SGCD: variants seen among roughly 807,000 people sequenced by gnomAD.
SGCD encodes delta-sarcoglycan.
SGCD carries 18 observed loss-of-function variants against 36.6 expected under a neutral mutation model. The observed-to-expected ratio is 0.49, with a 90% CI of 0.34 to 0.73. SGCD has a LOEUF of 0.73. Ranked by LOEUF, SGCD falls within the 30% of genes least tolerant of loss-of-function variation. The probability of loss-of-function intolerance (pLI) is 0.01; values close to 1 mark genes in which losing one functional copy is unlikely to be tolerated. For missense variants in SGCD, 387 were observed against 346.7 expected, an observed-to-expected ratio of 1.12 and a Z score of -0.92; for synonymous variants, 133 against 130.6, an observed-to-expected ratio of 1.02 and a Z score of -0.12.
At chr5:156,109,674 C>T (rs1761737282) in intron 1 of SGCD, among the ~76,000 whole-genome samples, 1 of 152,114 alleles carries the variant, frequency 6.6e-6, no homozygotes, top group African/African-American at 2.4e-5. Flanking sequence ...TCTCTCTTCC[C>T]CTCTTATGCT....
chr5:156,499,252 T>A (rs927994564), intron 3 of SGCD, among the ~76,000 whole-genome samples: 2 of 152,190 alleles, frequency 1.3e-5, no homozygotes, highest in Non-Finnish European at 2.9e-5. Context: ...CTAACGCGTA[T>A]GGAAATGGTA....
intron 4 of SGCD, among the ~76,000 whole-genome samples, chr5:156,573,902 G>C (rs576307214): frequency 6.6e-6 from 1 of 151,698 alleles, no homozygotes; most frequent in Non-Finnish European, 1.5e-5. Context: ...TATGTTGCCC[G>C]GGCTGGTCTC....
intron 3 of SGCD, among the ~76,000 whole-genome samples, chr5:156,259,625 G>C (rs1246890021): frequency 1.3e-5 from 2 of 152,114 alleles, no homozygotes; most frequent in Admixed American, 1.3e-4. Flanking sequence ...GTAAGAAAGG[G>C]ATCTAGGTTT....
At chr5:156,607,316 G>C (rs1761516559) in intron 6 of SGCD, among the ~76,000 whole-genome samples, 1 of 152,172 alleles carries the variant, frequency 6.6e-6, no homozygotes. Flanking sequence ...TGTGGTTTTT[G>C]TCATTGGTTG....
At chr5:156,201,248 A>C (rs927693841) in intron 3 of SGCD, among the ~76,000 whole-genome samples, 3 of 152,202 alleles carry the variant, frequency 2.0e-5, no homozygotes, top group African/African-American at 7.2e-5. Context: ...TTAACACAAT[A>C]AAAAAGTAAA....
At chr5:155,842,813 T>A in the SGCD span, among the ~76,000 whole-genome samples, 195 of 152,116 alleles carry the variant, frequency 1.3e-3, no homozygotes, top group Non-Finnish European at 2.3e-3. Context: ...CTGAAAATTT[T>A]AAAAAAAGAA....
intron 3 of SGCD, among the ~76,000 whole-genome samples, chr5:156,369,484 A>G: frequency 6.6e-6 from 1 of 152,192 alleles, no homozygotes; most frequent in Non-Finnish European, 1.5e-5. Flanking sequence ...GCAGAAGTGT[A>G]TTATTAGACC....
chr5:156,346,598 C>T (rs536620615), intron 3 of SGCD, among the ~76,000 whole-genome samples: 4 of 152,186 alleles, frequency 2.6e-5, no homozygotes, highest in East Asian at 1.9e-4. Context: ...TCACATCCAG[C>T]TAAGAGTTCA....
chr5:156,304,345 C>T (rs1225065957), intron 3 of SGCD, among the ~76,000 whole-genome samples: 1 of 152,096 alleles, frequency 6.6e-6, no homozygotes, highest in Non-Finnish European at 1.5e-5. Flanking sequence ...AGGTCTTTCC[C>T]ATGGTGTTCT....
At chr5:155,756,753 T>TA in the SGCD span, among the ~76,000 whole-genome samples, 1 of 152,348 alleles carries the variant, frequency 6.6e-6, no homozygotes, top group Non-Finnish European at 1.5e-5. Flanking sequence ...TCATGAATAT[T>TA]AAACACTTCC....
chr5:156,180,538 A>G (rs1198064786), intron 3 of SGCD, among the ~76,000 whole-genome samples: 2 of 152,230 alleles, frequency 1.3e-5, no homozygotes, highest in Non-Finnish European at 2.9e-5. Flanking sequence ...TATTAAGAAA[A>G]TGAAAATTTA....
At chr5:156,683,585 A>G (rs889964434) in intron 7 of SGCD, among the ~76,000 whole-genome samples, 5 of 152,216 alleles carry the variant, frequency 3.3e-5, no homozygotes, top group Non-Finnish European at 5.9e-5. Context: ...TCTTTATCAG[A>G]CAAAAACAAA....
chr5:156,077,858 A>G (rs1230334525), intron 1 of SGCD, among the ~76,000 whole-genome samples: 1 of 152,144 alleles, frequency 6.6e-6, no homozygotes, highest in African/African-American at 2.4e-5. Flanking sequence ...GGTTGGAAAC[A>G]AGGGAGAAGC....
the SGCD span, among the ~76,000 whole-genome samples, chr5:155,730,065 CAT>C: frequency 6.6e-6 from 1 of 152,122 alleles, no homozygotes; most frequent in African/African-American, 2.4e-5. Context: ...CAGGTATGGG[CAT>C]ACACGTGTTG....
In SGCD at chr5:156,149,795, G is replaced by A. The variant is rs557520809; in HGVS notation, c.-44+25776G>A. On this transcript the variant is annotated intron_variant, in intron 3 of 9. Coordinates refer to the SGCD transcript ENST00000517913. The stretch of plus-strand genomic sequence containing the variant: ...GTGTATTTAAGTGAGCCTATGGTTT[G>A]CAAGGCTATCATTTGTGAGATGCTG... Among the ~76,000 whole-genome samples, 6 of 152,282 alleles carry A rather than the reference G, an allele frequency of 3.9e-5. No homozygotes were observed. In the East Asian group the frequency reaches 1.2e-3, roughly 29 times the overall value.
At chr5:156,670,114 A>G (rs1406962318) in intron 7 of SGCD, among the ~76,000 whole-genome samples, 3 of 152,300 alleles carry the variant, frequency 2.0e-5, no homozygotes, top group South Asian at 2.1e-4. Flanking sequence ...TTAAAATTAT[A>G]TCATCTAGAT....
intron 3 of SGCD, among the ~76,000 whole-genome samples, chr5:156,347,035 A>G (rs1580852888): frequency 6.6e-6 from 1 of 151,972 alleles, no homozygotes; most frequent in East Asian, 1.9e-4. Context: ...CTGACCTCGT[A>G]ATCCACCCAT....
At chr5:155,864,695 A>G in the SGCD span, among the ~76,000 whole-genome samples, 1 of 152,218 alleles carries the variant, frequency 6.6e-6, no homozygotes, top group Non-Finnish European at 1.5e-5. Flanking sequence ...GTGGTATTCC[A>G]GAAAGACTGT....
At chr5:156,611,158 C>G (rs975628768) in intron 6 of SGCD, among the ~76,000 whole-genome samples, 1 of 152,236 alleles carries the variant, frequency 6.6e-6, no homozygotes. Context: ...TAGACTGGAG[C>G]TGTTCCTATT....
Sources: gnomAD v4.1 joint callset for allele counts (sites outside exome capture counted in the v4.1 genomes callset) on GRCh38, gnomAD v4.1.1 for gene constraint, MANE v1.5 for transcripts, NCBI Gene and HGNC (gene_info 2026-07-23, HGNC 2026-07-21) for gene names.